Variants in CPPED1 observed in about 807,000 individuals in gnomAD.
The protein encoded by CPPED1 is serine/threonine-protein phosphatase CPPED1.
A neutral mutation model predicts 28.0 loss-of-function variants in CPPED1; 28 were observed. The observed-to-expected ratio is 1.00, with a 90% CI of 0.74 to 1.37. The LOEUF (loss-of-function observed/expected upper bound fraction) is 1.37, where lower values mean the gene tolerates loss of function less well. Among genes scored for constraint, CPPED1 ranks in the 40% most tolerant of loss-of-function variants. The pLI, the probability that CPPED1 is intolerant of heterozygous loss-of-function variation, is 0.00. For missense variants in CPPED1, 504 were observed against 416.5 expected (o/e 1.21, Z -1.83); for synonymous variants, 198 against 180.2 (o/e 1.10, Z -0.79).
At chr16:12,678,820 C>T (rs372604610) in intron 3 of CPPED1, among the ~76,000 whole-genome samples, 14 of 151,576 alleles carry the variant, frequency 9.2e-5, no homozygotes, top group East Asian at 7.7e-4. Context: ...TAAAAAAAAT[C>T]GTATCATCTG....
intron 2 of CPPED1, among the ~76,000 whole-genome samples, chr16:12,733,994 T>C (rs1231001347): frequency 6.6e-6 from 1 of 151,940 alleles, no homozygotes; most frequent in African/African-American, 2.4e-5. Flanking sequence ...ACACAATTAA[T>C]TGCTTCTAGT....
chr16:12,767,548 A>G lies in CPPED1; in HGVS notation c.289+13637T>C, dbSNP rs2080446504. On this transcript the variant is annotated intron_variant, in intron 2 of 3. Transcript: ENST00000381774. The stretch of plus-strand genomic sequence containing the variant: ...TTCTCCCCACTGCAGTCCCCAGAGC[A>G]TCATCACGACCTCAAGCATCTATGC... 2.0e-5 allele frequency among the ~76,000 whole-genome samples: 3 copies of G among 152,080 alleles called. No individual in the cohort carries two copies. The South Asian group carries it at 6.2e-4, about 31-fold the overall frequency.
chr16:12,756,342 G>A (rs574838557), intron 2 of CPPED1, among the ~76,000 whole-genome samples: 1 of 152,276 alleles, frequency 6.6e-6, no homozygotes, highest in South Asian at 2.1e-4. Context: ...CAACAATGCT[G>A]CATCTCACGT....
At chr16:12,725,821 T>C (rs1296589085) in intron 2 of CPPED1, among the ~76,000 whole-genome samples, 2 of 152,184 alleles carry the variant, frequency 1.3e-5, no homozygotes, top group Non-Finnish European at 2.9e-5. Context: ...TTCACATATA[T>C]TTCATCTTGA....
chr16:12,780,046 A>G (rs1423211550), intron 2 of CPPED1, among the ~76,000 whole-genome samples: 1 of 152,098 alleles, frequency 6.6e-6, no homozygotes, highest in African/African-American at 2.4e-5. Context: ...TGAATTTCCA[A>G]CATCTCACTT....
chr16:12,775,492 G>A (rs1465707957), intron 2 of CPPED1, among the ~76,000 whole-genome samples: 2 of 152,084 alleles, frequency 1.3e-5, no homozygotes, highest in Non-Finnish European at 2.9e-5. Flanking sequence ...CCACTATGGT[G>A]TCATGTCAGT....
chr16:12,696,311 G>A (rs951769043), intron 3 of CPPED1, among the ~76,000 whole-genome samples: 20 of 152,132 alleles, frequency 1.3e-4, no homozygotes, highest in Admixed American at 3.3e-4. Flanking sequence ...GAAGCATGCC[G>A]GTCTAGCTAA....
chr16:12,694,347 C>T (rs1480207316), intron 3 of CPPED1, among the ~76,000 whole-genome samples: 6 of 152,102 alleles, frequency 3.9e-5, no homozygotes, highest in African/African-American at 7.2e-5. Context: ...AATGGATAAA[C>T]GTTGATTTAA....
chr16:12,718,277 G>C (rs2080118092), intron 2 of CPPED1, among the ~76,000 whole-genome samples: 1 of 152,226 alleles, frequency 6.6e-6, no homozygotes, highest in South Asian at 2.1e-4. Flanking sequence ...AGTGGCTTAT[G>C]TCTGTAATCC....
At chr16:12,793,741 C>T (rs2080610251) in intron 1 of CPPED1, among the ~76,000 whole-genome samples, 1 of 152,190 alleles carries the variant, frequency 6.6e-6, no homozygotes, top group South Asian at 2.1e-4. Context: ...ACTCACCTAT[C>T]TCTTGGTTCC....
chr16:12,780,689 G>A (rs1488625263), intron 2 of CPPED1, among the ~76,000 whole-genome samples: 3 of 150,374 alleles, frequency 2.0e-5, no homozygotes, highest in African/African-American at 4.9e-5. Context: ...TGCAACCCAG[G>A]TCTGCTCCCA....
At chr16:12,737,520 CA>C (rs1445968374) in intron 2 of CPPED1, among the ~76,000 whole-genome samples, 1 of 152,236 alleles carries the variant, frequency 6.6e-6, no homozygotes, top group African/African-American at 2.4e-5. Context: ...GAGCAACCGG[CA>C]GCCCCTGGAG....
intron 2 of CPPED1, among the ~76,000 whole-genome samples, chr16:12,763,053 A>AC: frequency 6.6e-6 from 1 of 151,650 alleles, no homozygotes; most frequent in Non-Finnish European, 1.5e-5. Flanking sequence ...ACATGGTAAA[A>AC]CCCCATCTCT....
intron 2 of CPPED1, among the ~76,000 whole-genome samples, chr16:12,710,004 G>A (rs2080072077): frequency 6.6e-6 from 1 of 150,978 alleles, no homozygotes; most frequent in African/African-American, 2.4e-5. Flanking sequence ...GAGAAGGAAG[G>A]AAGGGAAGGA....
chr16:12,686,751 A>G (rs754427367), intron 3 of CPPED1, among the ~76,000 whole-genome samples: 20 of 152,226 alleles, frequency 1.3e-4, no homozygotes, highest in Non-Finnish European at 2.8e-4. Context: ...GCAGAGTGTC[A>G]GTTACTAAAA....
intron 2 of CPPED1, among the ~76,000 whole-genome samples, chr16:12,752,059 T>C (rs371803024): frequency 3.2e-4 from 48 of 152,298 alleles, no homozygotes; most frequent in African/African-American, 1.1e-3. Context: ...TCCCACTCTA[T>C]CCCAAATTAC....
chr16:12,721,661 G>A (rs1231579834), intron 2 of CPPED1, among the ~76,000 whole-genome samples: 1 of 151,688 alleles, frequency 6.6e-6, no homozygotes, highest in African/African-American at 2.4e-5. Flanking sequence ...GCTGTGGCGG[G>A]AGAATCCACT....
chr16:12,708,140 C>G (rs2080061247), intron 2 of CPPED1, among the ~76,000 whole-genome samples: 1 of 151,858 alleles, frequency 6.6e-6, no homozygotes, highest in Non-Finnish European at 1.5e-5. Flanking sequence ...GAGTGAGATT[C>G]TGTCTCAAAA....
intron 2 of CPPED1, among the ~76,000 whole-genome samples, chr16:12,755,907 C>T (rs1479186050): frequency 6.6e-6 from 1 of 151,988 alleles, no homozygotes; most frequent in African/African-American, 2.4e-5. Context: ...TCAAGGCGGG[C>T]GGATCACCTG....
Sources: gnomAD v4.1 joint callset for allele counts (sites outside exome capture counted in the v4.1 genomes callset) on GRCh38, gnomAD v4.1.1 for gene constraint, MANE v1.5 for transcripts, NCBI Gene and HGNC (gene_info 2026-07-23, HGNC 2026-07-21) for gene names.